The following NEMP2 variants were observed in gnomAD, a reference collection of about 807,000 sequenced individuals.
The protein encoded by NEMP2 is nuclear envelope integral membrane protein 2, also known as UPF0571 transmembrane protein.
A neutral mutation model predicts 54.2 loss-of-function variants in NEMP2; 53 were observed. That is an observed-to-expected ratio of 0.98 (90% CI 0.78 to 1.23). The LOEUF (loss-of-function observed/expected upper bound fraction) is 1.23. NEMP2 is among the 50% of genes most tolerant of loss of function. The pLI, the probability that NEMP2 is intolerant of heterozygous loss-of-function variation, is 0.00. For synonymous variants in NEMP2, 197 were observed against 190.3 expected, an observed-to-expected ratio of 1.04 and a Z score of -0.29; for missense variants, 455 against 511.3, an observed-to-expected ratio of 0.89 and a Z score of 1.06.
At chr2:190,472,476 A>T in the NEMP2 span, among the ~76,000 whole-genome samples, 1 of 152,228 alleles carries the variant, frequency 6.6e-6, no homozygotes, top group African/African-American at 2.4e-5. Context: ...CATCTGGAAG[A>T]AAGGGTATCA....
chr2:190,509,154 C>T lies in NEMP2; in HGVS notation c.*35G>A. 1 of 1,550,836 alleles carries T rather than the reference C, an allele frequency of 6.4e-7. No individual in the cohort carries two copies. Among genetic ancestry groups the T allele is most frequent in the Non-Finnish European group, 8.7e-7 (1 of 1,146,624 alleles). The stretch of plus-strand genomic sequence containing the variant: ...AGAATCCCTGCCCTTTGCCCACTTC[C>T]TTGTCCAGAATGAAGTCAACTTGAA... On this transcript the variant is annotated 3_prime_UTR_variant, in exon 9 of 9. Coordinates refer to ENST00000409150, the MANE Select transcript of NEMP2 (RefSeq NM_001142645.2). This position sits in a 1 kb window ranked among gnomAD's most constrained non-coding sequence, Gnocchi z 6.1.
chr2:190,423,755 A>C, the NEMP2 span, among the ~76,000 whole-genome samples: 1 of 152,196 alleles, frequency 6.6e-6, no homozygotes, highest in Non-Finnish European at 1.5e-5. This position sits in a 1 kb window ranked among gnomAD's most constrained non-coding sequence, Gnocchi z 4.3. Flanking sequence ...ATCCCCACCC[A>C]CAGTATATGA....
At chr2:190,446,474 A>G in the NEMP2 span, among the ~76,000 whole-genome samples, 1 of 152,190 alleles carries the variant, frequency 6.6e-6, no homozygotes, top group Non-Finnish European at 1.5e-5. Flanking sequence ...CCAACTGAAA[A>G]GTAGTTTAAA....
At chr2:190,539,686 A>G (rs2125373135), upstream of NEMP2, among the ~76,000 whole-genome samples, 1 of 152,282 alleles carries the variant, frequency 6.6e-6, no homozygotes, top group South Asian at 2.1e-4. The surrounding 1 kb of genome is among the most constrained non-coding windows in gnomAD (Gnocchi z 4.1). Context: ...GCTATTATAA[A>G]TGGGATTGGT....
chr2:190,523,550 G>T lies in NEMP2; in HGVS notation c.213+1713C>A, dbSNP rs1354538755. On this transcript the variant is annotated intron_variant, in intron 2 of 8. Transcript: ENST00000409150. The surrounding 1 kb of genome is among the most constrained non-coding windows in gnomAD (Gnocchi z 5.3). ...CAGGCCTATGCGTGTGTATGTGTTT[G>T]TACACACATGATGATATGCTAGTAG... Among the ~76,000 whole-genome samples, 2 of 152,156 alleles carry T rather than the reference G, an allele frequency of 1.3e-5. No individual in the cohort carries two copies.
the NEMP2 span, among the ~76,000 whole-genome samples, chr2:190,482,871 T>TG: frequency 1.3e-4 from 2 of 15,592 alleles, no homozygotes; most frequent in Non-Finnish European, 1.6e-4. Context: ...CTATCATCTT[T>TG]TTTTTTTTTT....
the NEMP2 span, among the ~76,000 whole-genome samples, chr2:190,489,508 G>A: frequency 2.6e-5 from 4 of 152,296 alleles, no homozygotes; most frequent in African/African-American, 9.6e-5. The surrounding 1 kb of genome is among the most constrained non-coding windows in gnomAD (Gnocchi z 6.6). Flanking sequence ...TATGAGTCAT[G>A]GTGAAAGGCA....
the NEMP2 span, among the ~76,000 whole-genome samples, chr2:190,441,927 G>T: frequency 6.6e-6 from 1 of 152,190 alleles, no homozygotes; most frequent in East Asian, 1.9e-4. Context: ...AATTAAGTCA[G>T]ATTGGTGCCT....
chr2:190,572,211 T>G, the NEMP2 span, among the ~76,000 whole-genome samples: 1 of 152,210 alleles, frequency 6.6e-6, no homozygotes, highest in African/African-American at 2.4e-5. Flanking sequence ...GTATATTTTC[T>G]CAGCTTTTTT....
the NEMP2 span, among the ~76,000 whole-genome samples, chr2:190,483,728 G>A: frequency 6.6e-6 from 1 of 151,512 alleles, no homozygotes; most frequent in Non-Finnish European, 1.5e-5. Context: ...CCAGCTACTC[G>A]GAAGGCTGAG....
chr2:190,548,706 A>G, the NEMP2 span, among the ~76,000 whole-genome samples: 3 of 152,232 alleles, frequency 2.0e-5, no homozygotes, highest in Non-Finnish European at 4.4e-5. Flanking sequence ...TGTTACTCTT[A>G]ATCTTTATAT....
the NEMP2 span, among the ~76,000 whole-genome samples, chr2:190,569,917 T>C: frequency 6.6e-6 from 1 of 152,246 alleles, no homozygotes; most frequent in Non-Finnish European, 1.5e-5. Context: ...GCAGATTCCA[T>C]TTTTATTTAA....
At chr2:190,645,930 CT>C in the NEMP2 span, among the ~76,000 whole-genome samples, 3 of 152,194 alleles carry the variant, frequency 2.0e-5, no homozygotes, top group Non-Finnish European at 4.4e-5. Flanking sequence ...CTTATTTTCA[CT>C]GTTTTATAGC....
chr2:190,468,688 G>C, the NEMP2 span, among the ~76,000 whole-genome samples: 6 of 151,168 alleles, frequency 4.0e-5, no homozygotes, highest in Admixed American at 6.6e-5. Flanking sequence ...TGAACTCTTG[G>C]GCGCAAGTGA....
chr2:190,477,687 C>G, the NEMP2 span, among the ~76,000 whole-genome samples: 1 of 152,240 alleles, frequency 6.6e-6, no homozygotes, highest in South Asian at 2.1e-4. Context: ...TTAACTCAGG[C>G]CACAAGGTCT....
the NEMP2 span, among the ~76,000 whole-genome samples, chr2:190,611,287 G>T: frequency 2.0e-5 from 3 of 152,190 alleles, no homozygotes; most frequent in South Asian, 6.2e-4. This position sits in a 1 kb window ranked among gnomAD's most constrained non-coding sequence, Gnocchi z 5.4. Context: ...CCCAAAGAAA[G>T]CCAAACACCA....
At chr2:190,439,195 T>C in the NEMP2 span, among the ~76,000 whole-genome samples, 7 of 151,928 alleles carry the variant, frequency 4.6e-5, no homozygotes, top group Non-Finnish European at 1.0e-4. The surrounding 1 kb of genome is among the most constrained non-coding windows in gnomAD (Gnocchi z 5.8). Context: ...TCACTGCAGT[T>C]AATAATGTCT....
At chr2:190,501,569 G>C (rs926617006), downstream of NEMP2, 1 of 152,192 alleles carries the variant, frequency 6.6e-6, no homozygotes, top group Admixed American at 6.6e-5. Context: ...GCACAGGAGA[G>C]AGAGGAAAGA....
chr2:190,570,745 T>TG, the NEMP2 span, among the ~76,000 whole-genome samples: 2 of 152,180 alleles, frequency 1.3e-5, no homozygotes, highest in African/African-American at 2.4e-5. The surrounding 1 kb of genome is among the most constrained non-coding windows in gnomAD (Gnocchi z 5.4). Context: ...GTTCTTTTAG[T>TG]GGGGTAGTGC....
Sources: gnomAD v4.1 joint callset for allele counts (sites outside exome capture counted in the v4.1 genomes callset) on GRCh38, gnomAD v4.1.1 for gene constraint, Gnocchi (gnomAD v3.1) non-coding constraint, MANE v1.5 for transcripts, NCBI Gene and HGNC (gene_info 2026-07-23, HGNC 2026-07-21) for gene names.